The following GLG1 variants were observed in gnomAD, a reference collection of about 807,000 sequenced individuals.
GLG1 encodes the protein Golgi apparatus protein 1.
GLG1 carries 38 observed loss-of-function variants against 160.5 expected under a neutral mutation model. That is an observed-to-expected ratio of 0.24 (90% CI 0.18 to 0.31). The LOEUF (loss-of-function observed/expected upper bound fraction) is 0.31. Among genes scored for constraint, GLG1 ranks in the 10% least tolerant of loss-of-function variants. The pLI is 1.00. For synonymous variants in GLG1, 644 were observed against 543.4 expected, an observed-to-expected ratio of 1.19 and a Z score of -2.57; for missense variants, 1,373 against 1,505.2, an observed-to-expected ratio of 0.91 and a Z score of 1.45.
At chr16:74,456,439 C>T (rs1344622373) in intron 25 of GLG1, 15 of 509,550 alleles carry the variant, frequency 2.9e-5, no homozygotes, top group Admixed American at 2.3e-4. Flanking sequence ...AGATTACAGG[C>T]GCGAGCCACC....
chr16:74,474,704 G>A (rs2015335514), intron 12 of GLG1, 72 bp from the exon 13 acceptor site: 6 of 791,150 alleles, frequency 7.6e-6, no homozygotes, highest in Admixed American at 1.7e-5. Flanking sequence ...AGATATCAGC[G>A]TCATGACACT....
rs201693911 is a variant in GLG1 at position 74,529,809 on chromosome 16, G to GTTTTTTTTTTTTTT, written c.471+2311_471+2312insAAAAAAAAAAAAAA. On this transcript the variant is annotated intron_variant, in intron 2 of 25. Coordinates refer to ENST00000422840, the MANE Select transcript of GLG1 (RefSeq NM_001145667.2). ...CTTCCTATTCCTTGGCTCTTTGAGA[G>GTTTTTTTTTTTTTT]TTCTTTTTTTTTTTTTTTTTTTTTT... 7.7e-5 allele frequency among the ~76,000 whole-genome samples: 8 copies of GTTTTTTTTTTTTTT among 104,104 alleles called. 3 individuals carry two copies. Among genetic ancestry groups the GTTTTTTTTTTTTTT allele is most frequent in the Admixed American group, 2.6e-4 (2 of 7,748 alleles). The allele number at this position is 104,104 out of a possible 152,430, so 68.3% of individuals were successfully genotyped here. A position where few individuals can be genotyped will look rare whatever the true frequency, so the allele number is the denominator to read the frequency against.
chr16:74,501,211 CT>C (rs950928686), intron 4 of GLG1, among the ~76,000 whole-genome samples: 45 of 152,308 alleles, frequency 3.0e-4, no homozygotes, highest in African/African-American at 1.1e-3. Context: ...ATGCCTCCCT[CT>C]TTTTTAAATT....
At chr16:74,531,214 T>C (rs558947610) in intron 2 of GLG1, among the ~76,000 whole-genome samples, 1 of 152,298 alleles carries the variant, frequency 6.6e-6, no homozygotes, top group Non-Finnish European at 1.5e-5. Context: ...CCAATCTGTC[T>C]CTGCTTATAC....
intron 4 of GLG1, among the ~76,000 whole-genome samples, chr16:74,502,702 C>T (rs2143452606): frequency 6.7e-6 from 1 of 148,454 alleles, no homozygotes; most frequent in East Asian, 2.0e-4. Flanking sequence ...TGCCACCACG[C>T]CCGGCTAATT....
chr16:74,557,039 A>C (rs1449783246), intron 1 of GLG1, among the ~76,000 whole-genome samples: 1 of 152,198 alleles, frequency 6.6e-6, no homozygotes, highest in Admixed American at 6.5e-5. Context: ...CATACATTAA[A>C]GATAAGCAGT....
intron 25 of GLG1, 148 bp downstream of exon 25, chr16:74,456,501 A>G: frequency 1.6e-6 from 1 of 630,742 alleles, no homozygotes. Context: ...GTCTCACAAT[A>G]AGGACAAGAC....
rs972992891 is a variant in GLG1 at position 74,463,581 on chromosome 16, C to G, written c.2668-102G>C. The G allele has an allele frequency of 3.3e-6, 4 of 1,213,060 alleles. No individual in the cohort carries two copies. In the African/African-American group the frequency reaches 6.0e-5, roughly 18 times the overall value. The allele number at this position is 1,213,060 out of a possible 1,614,324, so 75.1% of individuals were successfully genotyped here. A position where few individuals can be genotyped will look rare whatever the true frequency, so the allele number is the denominator to read the frequency against. On this transcript the variant is annotated intron_variant, in intron 19 of 25. Transcript: ENST00000422840. Reference sequence around the variant, plus strand: ...TGGAGACGGAGTCTCACCGTGTCACCCAGGCTGGAGTGCAGTGGCGCAATT... The same window carrying G: ...TGGAGACGGAGTCTCACCGTGTCACGCAGGCTGGAGTGCAGTGGCGCAATT...
chr16:74,559,930 G>C (rs1355039165), intron 1 of GLG1, among the ~76,000 whole-genome samples: 2 of 152,172 alleles, frequency 1.3e-5, no homozygotes, highest in Non-Finnish European at 2.9e-5. Context: ...AGCACACAGA[G>C]TTCCCATATG....
At chr16:74,532,443 CAAT>C (rs1344121339) in intron 1 of GLG1, among the ~76,000 whole-genome samples, 2 of 152,096 alleles carry the variant, frequency 1.3e-5, no homozygotes, top group East Asian at 3.9e-4. Context: ...AATAAAGCAA[CAAT>C]GACATAAGGA....
chr16:74,453,389 T>G, intron 25 of GLG1, 55 bp from the exon 26 acceptor site: 2 of 1,203,482 alleles, frequency 1.7e-6, no homozygotes, highest in Non-Finnish European at 2.4e-6. Context: ...CTGGTGGCAG[T>G]GCTAGGTCTA....
At chr16:74,529,812 C>CTTTTTTTTTT (rs1178684020) in intron 2 of GLG1, among the ~76,000 whole-genome samples, 2 of 115,792 alleles carry the variant, frequency 1.7e-5, no homozygotes, top group Non-Finnish European at 1.7e-5. Flanking sequence ...TTTGAGAGTT[C>CTTTTTTTTTT]TTTTTTTTTT....
Position 74,606,832 on chromosome 16 carries a change from G to C in GLG1, c.263C>G (p.Pro88Arg), listed in dbSNP as rs1177437652. ...QQQQQQQPQPPQPPFPAGGPP... is the reference protein window; with the variant it reads ...QQQQQQQPQPRQPPFPAGGPP... ...CCCACCCGCCGGGAAAGGCGGCTGC[G>C]GCGGCTGAGGCTGCTGTTGCTGTTG... Residue 88 changes from proline to arginine, a missense_variant, in exon 1 of 26, where the codon CCG becomes CGG. Pro to Arg is a moderately radical substitution (Grantham distance 103). Transcript: ENST00000422840. 18 of 1,599,460 alleles carry C rather than the reference G, an allele frequency of 1.1e-5. No individual in the cohort carries two copies. The highest frequency in any genetic ancestry group is 1.5e-5 in the Non-Finnish European group (18 of 1,173,256).
rs926074831 is a variant in GLG1, at chr16:74,452,946, A to G, written c.*221T>C. On this transcript the variant is annotated 3_prime_UTR_variant, in exon 26 of 26. Transcript: ENST00000422840. The stretch of plus-strand genomic sequence containing the variant: ...AAACCCAAGTTTGCCAAACAAAGGC[A>G]GTAACCCCAGCGACCAGCTGCTGCT... 8.1e-7 allele frequency: 1 copy of G among 1,240,158 alleles called. No homozygotes were observed. Among genetic ancestry groups the G allele is most frequent in the Non-Finnish European group, 1.0e-6 (1 of 991,054 alleles). The allele number at this position is 1,240,158 out of a possible 1,614,324, so 76.8% of individuals were successfully genotyped here. A position where few individuals can be genotyped will look rare whatever the true frequency, so the allele number is the denominator to read the frequency against.
At chr16:74,594,406 T>C (rs1213462384) in intron 1 of GLG1, among the ~76,000 whole-genome samples, 1 of 152,202 alleles carries the variant, frequency 6.6e-6, no homozygotes, top group African/African-American at 2.4e-5. Context: ...CAAAACTTTC[T>C]GATTTCAGTA....
chr16:74,480,903 G>A (rs1329611877), intron 10 of GLG1, among the ~76,000 whole-genome samples: 1 of 152,116 alleles, frequency 6.6e-6, no homozygotes, highest in Non-Finnish European at 1.5e-5. Flanking sequence ...GGGAGGCCTA[G>A]GCAGGAGAAT....
intron 3 of GLG1, among the ~76,000 whole-genome samples, chr16:74,507,356 G>C (rs887748514): frequency 6.6e-6 from 1 of 152,000 alleles, no homozygotes; most frequent in Non-Finnish European, 1.5e-5. Flanking sequence ...CAATCAAACT[G>C]GTATGTATTT....
At position 74,605,877 on chromosome 16, in the gene GLG1, T is replaced by C. The variant is rs79249009; in HGVS notation, c.438+780A>G. ...TCCCAAACTTTGAGAATTGTCATTA[T>C]GGTCTGCAGCATTAAACCTAGATTA... On this transcript the variant is annotated intron_variant, in intron 1 of 25. Coordinates refer to ENST00000422840, the MANE Select transcript of GLG1 (RefSeq NM_001145667.2). Among the ~76,000 whole-genome samples the C allele has an allele frequency of 3.4e-4, 52 of 152,344 alleles. No individual in the cohort carries two copies. The East Asian group carries it at 9.3e-3, about 27-fold the overall frequency.
chr16:74,522,612 T>C (rs2017203220), intron 2 of GLG1, among the ~76,000 whole-genome samples: 2 of 152,218 alleles, frequency 1.3e-5, no homozygotes, highest in Admixed American at 1.3e-4. Context: ...CTGGATACAC[T>C]GTCAGACGTA....
Sources: gnomAD v4.1 joint callset for allele counts (sites outside exome capture counted in the v4.1 genomes callset) on GRCh38, gnomAD v4.1.1 for gene constraint, MANE v1.5 for transcripts, NCBI Gene and HGNC (gene_info 2026-07-23, HGNC 2026-07-21) for gene names.